Variants in ADCY8 observed in about 807,000 individuals in gnomAD.
ADCY8 encodes adenylate cyclase 8.
ADCY8 carries 51 observed loss-of-function variants against 119.7 expected under a neutral mutation model. The observed-to-expected ratio is 0.43, with a 90% CI of 0.34 to 0.54. The LOEUF (loss-of-function observed/expected upper bound fraction) is 0.54. Ranked by LOEUF, ADCY8 falls within the 20% of genes least tolerant of loss-of-function variation. ADCY8 has a pLI of 0.03. For missense variants in ADCY8, 1,383 were observed against 1,598.8 expected, an observed-to-expected ratio of 0.87 and a Z score of 2.30; for synonymous variants, 665 against 651.0, an observed-to-expected ratio of 1.02 and a Z score of -0.33.
At chr8:130,904,082 T>A in intron 6 of ADCY8, 40 bp from the exon 7 acceptor site, 3 of 1,566,898 alleles carry the variant, frequency 1.9e-6, no homozygotes, top group Non-Finnish European at 2.6e-6. Context: ...ACTCCTGATG[T>A]TGCCTGCAAA....
chr8:130,834,507 A>T (rs1344490549), intron 12 of ADCY8, among the ~76,000 whole-genome samples: 2 of 152,218 alleles, frequency 1.3e-5, no homozygotes, highest in Non-Finnish European at 2.9e-5. Context: ...GAAAACGCAG[A>T]TACCCTACAA....
rs1245472955 is a variant in ADCY8, at chr8:130,826,894, A to G, written c.2676-5474T>C. On this transcript the variant is annotated intron_variant, in intron 12 of 17. Coordinates refer to ENST00000286355, the MANE Select transcript of ADCY8 (RefSeq NM_001115.3). ...TAGATCTTAAGATATTTTGTTGAAC[A>G]TCACACACCAGGGCCTGTCGTGGGG... is the stretch of plus-strand genomic sequence containing the variant. Among the ~76,000 whole-genome samples, 3 of 151,920 alleles carry G rather than the reference A, an allele frequency of 2.0e-5. No individual in the cohort carries two copies. In the East Asian group the frequency reaches 5.8e-4, roughly 30 times the overall value.
chr8:130,809,904 T>C (rs1247757788), intron 14 of ADCY8, among the ~76,000 whole-genome samples: 1 of 152,248 alleles, frequency 6.6e-6, no homozygotes, highest in Admixed American at 6.5e-5. Context: ...ACTAAGAAGT[T>C]ATCTGGCTTT....
intron 3 of ADCY8, among the ~76,000 whole-genome samples, chr8:130,948,068 C>T (rs1402231729): frequency 1.3e-5 from 2 of 152,142 alleles, no homozygotes; most frequent in African/African-American, 2.4e-5. Context: ...CTTCCAATAA[C>T]CAAATGCTGG....
chr8:130,855,822 CCTT>C (rs1434781104), intron 9 of ADCY8, among the ~76,000 whole-genome samples: 1 of 152,118 alleles, frequency 6.6e-6, no homozygotes, highest in Non-Finnish European at 1.5e-5. Context: ...ACTCTCTTCT[CCTT>C]ATTATTTTGT....
At chr8:130,782,870 A>G (rs1166398510) in intron 17 of ADCY8, among the ~76,000 whole-genome samples, 1 of 152,262 alleles carries the variant, frequency 6.6e-6, no homozygotes. Flanking sequence ...CATATCAGCC[A>G]GAAGATGTCT....
intron 15 of ADCY8, among the ~76,000 whole-genome samples, chr8:130,789,676 G>A (rs771112783): frequency 1.3e-5 from 2 of 152,156 alleles, no homozygotes; most frequent in Non-Finnish European, 2.9e-5. Context: ...AGGGGCTGAC[G>A]GAATTGCTAA....
Position 130,958,592 on chromosome 8 carries a change from A to G in ADCY8, c.1111-6594T>C, listed in dbSNP as rs140442675. On this transcript the variant is annotated intron_variant, in intron 2 of 17. Coordinates refer to ENST00000286355, the MANE Select transcript of ADCY8 (RefSeq NM_001115.3). ...AAGGAAGAGCAAAAGGACATCTTCCATGGCAGCAGGCAAGAGAGGCTTGTG... is the reference window on the plus strand; with the variant it reads ...AAGGAAGAGCAAAAGGACATCTTCCGTGGCAGCAGGCAAGAGAGGCTTGTG... Among the ~76,000 whole-genome samples the G allele has an allele frequency of 7.2e-3, 1,093 of 152,348 alleles. 18 individuals carry two copies. The highest frequency in any genetic ancestry group is 0.024 in the African/African-American group (1,013 of 41,576).
At chr8:130,783,942 C>T (rs1262849238) in intron 16 of ADCY8, 137 bp from the exon 17 acceptor site, 2 of 621,080 alleles carry the variant, frequency 3.2e-6, no homozygotes, top group African/African-American at 1.8e-5. Flanking sequence ...TGGGTGAGCC[C>T]CTCTACACTC....
chr8:130,972,865 G>T (rs1821964758), intron 2 of ADCY8, among the ~76,000 whole-genome samples: 1 of 150,426 alleles, frequency 6.6e-6, no homozygotes, highest in Non-Finnish European at 1.5e-5. Context: ...CAAACCATCT[G>T]GGATAAGGAG....
intron 8 of ADCY8, among the ~76,000 whole-genome samples, chr8:130,876,030 T>C (rs937803734): frequency 6.6e-6 from 1 of 152,164 alleles, no homozygotes; most frequent in Non-Finnish European, 1.5e-5. Context: ...CTCATTCAAC[T>C]TCAGTTTTGT....
intron 9 of ADCY8, among the ~76,000 whole-genome samples, chr8:130,861,064 G>A (rs1392714672): frequency 2.0e-5 from 3 of 152,150 alleles, no homozygotes; most frequent in African/African-American, 7.2e-5. Flanking sequence ...GTTCTATTGA[G>A]CGATGTGTTT....
At chr8:130,996,440 A>T (rs1476506224) in intron 1 of ADCY8, among the ~76,000 whole-genome samples, 1 of 152,120 alleles carries the variant, frequency 6.6e-6, no homozygotes, top group Admixed American at 6.5e-5. Flanking sequence ...AACATGTAGT[A>T]TAATGCTATG....
intron 4 of ADCY8, among the ~76,000 whole-genome samples, chr8:130,941,103 A>T (rs993045436): frequency 2.0e-5 from 3 of 152,242 alleles, no homozygotes; most frequent in African/African-American, 7.2e-5. Context: ...TAGAAATCCC[A>T]AAAAACTTTA....
chr8:130,785,880 C>T (rs1490302321), intron 15 of ADCY8, among the ~76,000 whole-genome samples: 1 of 152,200 alleles, frequency 6.6e-6, no homozygotes, highest in Non-Finnish European at 1.5e-5. Context: ...CTGCACTGAT[C>T]CCCTTTGCCC....
At position 130,992,382 on chromosome 8, in the gene ADCY8, C is replaced by CATATATATATATATATAT. The variant is rs1161136558; in HGVS notation, c.961-1858_961-1841dup. On this transcript the variant is annotated intron_variant, in intron 1 of 17. Coordinates refer to ENST00000286355, the MANE Select transcript of ADCY8 (RefSeq NM_001115.3). ...TACATACATGAGCAACTGTATCTGGCATATATATATATATATATATATATA... is the reference window on the plus strand; with the variant it reads ...TACATACATGAGCAACTGTATCTGGCATATATATATATATATATATATATATATATATATATATATATA... 2.0e-4 allele frequency among the ~76,000 whole-genome samples: 16 copies of CATATATATATATATATAT among 78,050 alleles called. 5 individuals carry two copies. Among genetic ancestry groups the CATATATATATATATATAT allele is most frequent in the African/African-American group, 8.0e-4 (15 of 18,724 alleles). 51.2% of individuals were successfully genotyped at this position (78,050 alleles called of 152,430 possible).
Position 130,874,721 on chromosome 8 carries a change from GC to G in ADCY8, c.2110-6776del, listed in dbSNP as rs1818495936. On this transcript the variant is annotated intron_variant, in intron 8 of 17. Coordinates refer to ENST00000286355, the MANE Select transcript of ADCY8 (RefSeq NM_001115.3). ...CCTAATGTTATGTCCTTCCTTGATA[GC>G]GGGGTTAGACTGGGCACATGAGAAT... is the stretch of plus-strand genomic sequence containing the variant. Among the ~76,000 whole-genome samples, 5 of 152,250 alleles carry G rather than the reference GC, an allele frequency of 3.3e-5. No homozygotes were observed. The South Asian group carries it at 1.0e-3, about 32-fold the overall frequency.
intron 1 of ADCY8, among the ~76,000 whole-genome samples, chr8:131,002,745 T>C (rs1004850867): frequency 5.3e-5 from 8 of 151,650 alleles, no homozygotes; most frequent in Admixed American, 3.3e-4. Flanking sequence ...AACTGAATGA[T>C]GAAAAACCTC....
intron 1 of ADCY8, among the ~76,000 whole-genome samples, chr8:131,013,407 G>A (rs1180729364): frequency 1.3e-5 from 2 of 152,164 alleles, no homozygotes; most frequent in African/African-American, 2.4e-5. Context: ...TTATGACCAA[G>A]CTTAAATTTA....
Sources: gnomAD v4.1 joint callset for allele counts (sites outside exome capture counted in the v4.1 genomes callset) on GRCh38, gnomAD v4.1.1 for gene constraint, MANE v1.5 for transcripts, NCBI Gene and HGNC (gene_info 2026-07-23, HGNC 2026-07-21) for gene names.